IQCE: variants seen among roughly 807,000 people sequenced by gnomAD.
IQCE encodes the protein IQ domain-containing protein E.
IQCE carries 115 observed loss-of-function variants against 96.0 expected under a neutral mutation model. The observed-to-expected ratio is 1.20, with a 90% CI of 1.03 to 1.40. The LOEUF (loss-of-function observed/expected upper bound fraction) is 1.40. Among genes scored for constraint, IQCE ranks in the 40% most tolerant of loss-of-function variants. The pLI is 0.00. For missense variants in IQCE, 1,041 were observed against 909.1 expected (o/e 1.15, Z -1.87); for synonymous variants, 412 against 371.2 (o/e 1.11, Z -1.26).
intron 18 of IQCE, 117 bp from the exon 19 acceptor site, chr7:2,604,764 T>C: frequency 1.4e-6 from 1 of 691,208 alleles, no homozygotes; most frequent in Non-Finnish European, 2.6e-6. Flanking sequence ...TGCACAGCAG[T>C]GAAGGGAGTC....
At chr7:2,605,212 G>C (rs2293406) in intron 19 of IQCE, among the ~76,000 whole-genome samples, 109,229 of 152,242 alleles carry the variant, frequency 0.72, 39,247 homozygotes, top group South Asian at 0.76. Context: ...GCCAGATTGC[G>C]TTAAGCTGCC....
At chr7:2,590,401 T>C (rs1783499086) in intron 14 of IQCE, among the ~76,000 whole-genome samples, 1 of 152,272 alleles carries the variant, frequency 6.6e-6, no homozygotes, top group Non-Finnish European at 1.5e-5. Context: ...TAGTAGTCAC[T>C]GCATAAATAT....
chr7:2,595,825 G>A (rs977328123), intron 16 of IQCE, among the ~76,000 whole-genome samples: 2 of 150,132 alleles, frequency 1.3e-5, no homozygotes, highest in Admixed American at 6.7e-5. Context: ...TGCTCACCAT[G>A]GCCGGTGCTG....
At chr7:2,563,311 C>A (rs946502736) in intron 1 of IQCE, among the ~76,000 whole-genome samples, 1 of 152,016 alleles carries the variant, frequency 6.6e-6, no homozygotes, top group Non-Finnish European at 1.5e-5. Flanking sequence ...ATTCTCCCAC[C>A]TCAGTCTCCT....
intron 18 of IQCE, among the ~76,000 whole-genome samples, 200 bp from the exon 19 acceptor site, chr7:2,604,681 C>T (rs1467509649): frequency 6.6e-6 from 1 of 152,182 alleles, no homozygotes; most frequent in Middle Eastern, 3.2e-3. Context: ...CCTGTCAGCT[C>T]CCTGGGGCGC....
intron 17 of IQCE, among the ~76,000 whole-genome samples, chr7:2,599,993 CA>C (rs1784327505): frequency 6.6e-6 from 1 of 152,022 alleles, no homozygotes; most frequent in Non-Finnish European, 1.5e-5. Context: ...AGGGTTTCAC[CA>C]TGTTGTCCAG....
At position 2,572,327 on chromosome 7, in the gene IQCE, G is replaced by T. The variant is rs1339165865; in HGVS notation, c.394+1G>T. ...CATCTCAGGCGCTCTGCCAGCAACG[G>T]TGAGCATGCCGATGGTGGCGAGGCT... On this transcript the variant is annotated splice_donor_variant, in intron 5 of 21. Coordinates refer to ENST00000402050, the MANE Select transcript of IQCE (RefSeq NM_152558.5). LOFTEE classifies it high-confidence loss of function. The T allele has an allele frequency of 8.7e-6, 14 of 1,613,640 alleles. No individual in the cohort carries two copies. Among genetic ancestry groups the T allele is most frequent in the Middle Eastern group, 1.6e-4 (1 of 6,062 alleles).
chr7:2,601,401 T>G (rs754628004), intron 17 of IQCE, 40 bp from the exon 18 acceptor site: 7 of 1,320,586 alleles, frequency 5.3e-6, no homozygotes, highest in South Asian at 3.7e-5. Flanking sequence ...ATCCTTCTCG[T>G]GTTAATTCAT....
At position 2,610,102 on chromosome 7, in the gene IQCE, C is replaced by T. The variant is rs199585701; in HGVS notation, c.2028C>T (p.Ser676=). ...CTCTACCTGGGGATGACGTCAACTC[C>T]GATGATTCCGACGATATTGTCATTG... ...LAPLPGDDVN[S]DDSDDIVIAP... is the part of the protein sequence containing the mutation. Residue 676 remains serine (S), a synonymous_variant, in exon 22 of 22, where the codon TCC becomes TCT. Coordinates refer to ENST00000402050, the MANE Select transcript of IQCE (RefSeq NM_152558.5). The T allele has an allele frequency of 2.1e-5, 34 of 1,613,262 alleles. No homozygotes were observed. The highest frequency in any genetic ancestry group is 1.3e-5 in the African/African-American group (1 of 74,884).
intron 21 of IQCE, among the ~76,000 whole-genome samples, chr7:2,607,921 TGAG>T (rs1374944770): frequency 1.3e-5 from 2 of 152,086 alleles, no homozygotes; most frequent in African/African-American, 2.4e-5. Flanking sequence ...AAGACCCTGT[TGAG>T]GAGGGGAGTG....
intron 21 of IQCE, 72 bp downstream of exon 21, chr7:2,607,299 C>G (rs768092490): frequency 1.2e-6 from 2 of 1,600,462 alleles, no homozygotes; most frequent in Non-Finnish European, 1.7e-6. Flanking sequence ...GAGTGGCCAC[C>G]TCCAGGAAGC....
chr7:2,578,505 G>C lies in IQCE; in HGVS notation c.609G>C (p.Glu203Asp). 6.2e-7 allele frequency: 1 copy of C among 1,614,220 alleles called. No homozygotes were observed. The highest frequency in any genetic ancestry group is 8.5e-7 in the Non-Finnish European group (1 of 1,180,036). The change falls in exon 8 of 22, where the codon GAG (glutamate) becomes GAC (aspartate). Residue 203 changes from glutamate (E) to aspartate (D), a missense_variant. Physicochemically the swap from Glu to Asp is conservative, Grantham distance 45. Transcript: ENST00000402050. The part of the protein sequence containing the change: ...RGTDFVRTLA[E>D]KRPDASWVIN... ...CGGATTTTGTTCGGACTCTGGCAGA[G>C]AAAAGGCCCGATGCCAGTTGGGTGA...
intron 11 of IQCE, 55 bp from the exon 12 acceptor site, chr7:2,586,153 A>T: frequency 6.6e-7 from 1 of 1,521,340 alleles, no homozygotes; most frequent in South Asian, 1.2e-5. Flanking sequence ...CGTTTCAAGC[A>T]TGTGTGAAAC....
chr7:2,574,469 T>G (rs1781977668), intron 6 of IQCE, among the ~76,000 whole-genome samples: 1 of 152,222 alleles, frequency 6.6e-6, no homozygotes, highest in Non-Finnish European at 1.5e-5. Context: ...GAGAGCTGTC[T>G]GACAGAGGCT....
intron 15 of IQCE, among the ~76,000 whole-genome samples, chr7:2,594,558 C>T (rs911111774): frequency 1.1e-4 from 17 of 152,262 alleles, no homozygotes; most frequent in African/African-American, 4.1e-4. Flanking sequence ...TGGCCTCCTA[C>T]TTACTTATCA....
intron 18 of IQCE, among the ~76,000 whole-genome samples, chr7:2,602,797 T>C (rs937599357): frequency 3.9e-4 from 59 of 152,356 alleles, no homozygotes; most frequent in Non-Finnish European, 7.3e-4. Context: ...GTTCATACTC[T>C]GCAGTCAGGA....
At position 2,572,826 on chromosome 7, in the gene IQCE, G is replaced by A. The variant is rs1009098545; in HGVS notation, c.394+500G>A. 2.9e-5 allele frequency: 13 copies of A among 441,484 alleles called. 1 individual carries two copies. Among genetic ancestry groups the A allele is most frequent in the Admixed American group, 2.1e-4 (8 of 38,982 alleles). 27.3% of individuals were successfully genotyped at this position (441,484 alleles called of 1,614,324 possible). ...CCCAGAATCCTGGGATTACAGGCAT[G>A]AGCCACCGTGCCCGGCCTCTCTCTT... On this transcript the variant is annotated intron_variant, in intron 5 of 21. Transcript: ENST00000402050.
Position 2,598,614 on chromosome 7 carries a change from G to A in IQCE, c.1590G>A (p.Trp530Ter), listed in dbSNP as rs1784228124. 6.3e-7 allele frequency: 1 copy of A among 1,580,528 alleles called. No individual in the cohort carries two copies. Among genetic ancestry groups the A allele is most frequent in the African/African-American group, 1.4e-5 (1 of 73,470 alleles). ...DAAARVLQAQ[W>*]KVYKHKKKKA... The stretch of plus-strand genomic sequence containing the variant: ...CGGCCAGAGTCCTGCAGGCCCAGTG[G>A]AAGGTGTACAAGCACAAGGTGAGGC... The change falls in exon 17 of 22, where the codon TGG becomes TGA. Residue 530 changes from tryptophan to a stop codon, truncating the protein, a stop_gained. Transcript: ENST00000402050. LOFTEE classifies it high-confidence loss of function.
intron 11 of IQCE, chr7:2,584,513 C>T: frequency 1.8e-6 from 1 of 550,110 alleles, no homozygotes. Flanking sequence ...GTGTTCAATG[C>T]CGCCCGTGTT....
Sources: allele counts gnomAD v4.1 joint callset (sites outside exome capture counted in the v4.1 genomes callset), GRCh38; gene constraint gnomAD v4.1.1; transcripts MANE v1.5; gene names NCBI Gene and HGNC (gene_info 2026-07-23, HGNC 2026-07-21).